UNC13D: variants seen among roughly 807,000 people sequenced by gnomAD.
UNC13D encodes the protein unc-13 homolog D.
In UNC13D, 115 loss-of-function variants were observed where a neutral mutation model predicts 151.7. The ratio of observed to expected loss-of-function variants is 0.76; its 90% CI spans 0.65 to 0.88. The LOEUF is 0.88. UNC13D is among the 40% of genes least tolerant of loss of function. The probability of loss-of-function intolerance (pLI) is 0.00; values close to 1 mark genes in which losing one functional copy is unlikely to be tolerated. For missense variants in UNC13D, 1,369 were observed against 1,438.7 expected (o/e 0.95, Z 0.78); for synonymous variants, 588 against 612.2 (o/e 0.96, Z 0.58).
In UNC13D at chr17:75,835,438, G is replaced by A. The variant is rs374106771; in HGVS notation, c.1819C>T (p.Arg607Trp). ...TCCATCTGCACAGCGCGCTGCACCC[G>A]CGCCAGGGCCTCGTTGTACGTCTTC... ...LQKTYNEALA[R>W]VQRAVQMDEL... The change falls in exon 20 of 32, where the codon CGG (arginine) becomes TGG (tryptophan). Residue 607 changes from arginine (R) to tryptophan (W), a missense_variant. By Grantham distance (101) the Arg-to-Trp change is moderately radical. Transcript: ENST00000207549. 6 of 1,612,792 alleles carry A rather than the reference G, an allele frequency of 3.7e-6. No individual in the cohort carries two copies. Among genetic ancestry groups the A allele is most frequent in the East Asian group, 2.2e-5 (1 of 44,854 alleles).
Position 75,831,300 on chromosome 17 carries a change from C to T in UNC13D, c.2496G>A (p.Ala832=), listed in dbSNP as rs763343306. 5.9e-5 allele frequency: 96 copies of T among 1,613,578 alleles called. No homozygotes were observed. Among genetic ancestry groups the T allele is most frequent in the Non-Finnish European group, 6.4e-5 (75 of 1,180,028 alleles). Residue 832 remains alanine (A), a synonymous_variant, in exon 26 of 32, where the codon GCG becomes GCA. Transcript: ENST00000207549. ...WTHTLTVLVE[A]AASQRSSSLA... ...GGGATGAGCTGCGCTGGGAGGCGGC[C>T]GCCTCCACCAGCACTGTGAGTGTGT...
chr17:75,829,023 A>T, intron 30 of UNC13D, 40 bp from the exon 31 acceptor site: 2 of 1,589,818 alleles, frequency 1.3e-6, no homozygotes, highest in Non-Finnish European at 1.7e-6. Flanking sequence ...GCCCCAGCAC[A>T]GCCACCCCAG....
chr17:75,840,173 A>G lies in UNC13D; in HGVS notation c.858+52T>C. ...CTGGGTGCAGCCAGCCCCGCAACCC[A>G]GCAGACCGCCGCAAGAGCTGGGCAT... On this transcript the variant is annotated intron_variant, in intron 10 of 31. Coordinates refer to ENST00000207549, the MANE Select transcript of UNC13D (RefSeq NM_199242.3). This position sits in a 1 kb window ranked among gnomAD's most constrained non-coding sequence, Gnocchi z 4.6. The G allele has an allele frequency of 6.2e-7, 1 of 1,612,458 alleles. No homozygotes were observed. Among genetic ancestry groups the G allele is most frequent in the African/African-American group, 1.3e-5 (1 of 75,038 alleles).
At chr17:75,843,394 G>C in intron 2 of UNC13D, 90 bp downstream of exon 2, 2 of 1,566,834 alleles carry the variant, frequency 1.3e-6, no homozygotes, top group South Asian at 1.2e-5. Context: ...CCTCCCCACC[G>C]CAAGTTGCTT....
rs8069459 is a variant in UNC13D, at chr17:75,841,287, G to C, written c.570-286C>G. The C allele has an allele frequency of 0.15, 60,129 of 408,798 alleles. 8,335 individuals carry two copies. Among genetic ancestry groups the C allele is most frequent in the African/African-American group, 0.47 (22,928 of 48,678 alleles). The allele number at this position is 408,798 out of a possible 1,614,324, so 25.3% of individuals were successfully genotyped here. On this transcript the variant is annotated intron_variant, in intron 6 of 31. Transcript: ENST00000207549. ...AGCCTTCCAAGTAGCTGGGATTACA[G>C]GTGCCCGCCACCACACCTGGCTAAT...
At chr17:75,844,054 C>T (rs978508065) in intron 1 of UNC13D, 167 bp downstream of exon 1, 68 of 1,453,462 alleles carry the variant, frequency 4.7e-5, no homozygotes, top group Non-Finnish European at 5.3e-5. Flanking sequence ...ATCTGGCAGC[C>T]CCTGCTCTGC....
At position 75,832,990 on chromosome 17, in the gene UNC13D, T is replaced by C. The variant is rs1392480802; in HGVS notation, c.2423A>G (p.Asn808Ser). 1.9e-6 allele frequency: 3 copies of C among 1,597,188 alleles called. No individual in the cohort carries two copies. Among genetic ancestry groups the C allele is most frequent in the Non-Finnish European group, 1.7e-6 (2 of 1,172,996 alleles). ...CCTGCTGAAGTTCTCCTGCACCAAG[T>C]TGGTGTTCATGTAGCAAAGCTCCAC... The part of the protein sequence containing the change: ...LEVELCYMNT[N>S]LVQENFSSLL... The change falls in exon 25 of 32, where the codon AAC (asparagine) becomes AGC (serine). Residue 808 changes from asparagine (N) to serine (S), a missense_variant. Physicochemically the swap from Asn to Ser is conservative, Grantham distance 46 (BLOSUM62 1). Coordinates refer to ENST00000207549, the MANE Select transcript of UNC13D (RefSeq NM_199242.3). The surrounding 1 kb of genome is among the most constrained non-coding windows in gnomAD (Gnocchi z 4.3).
chr17:75,831,403 G>A (rs1409859182), intron 25 of UNC13D, 55 bp from the exon 26 acceptor site: 1 of 1,529,292 alleles, frequency 6.5e-7, no homozygotes, highest in Non-Finnish European at 8.9e-7. Context: ...TGGCGGAGGA[G>A]GAAGCAAAGA....
At position 75,831,291 on chromosome 17, in the gene UNC13D, G is replaced by T. The variant is rs776621780; in HGVS notation, c.2505C>A (p.Ser835=). The T allele has an allele frequency of 1.9e-6, 3 of 1,613,754 alleles. No individual in the cohort carries two copies. Among genetic ancestry groups the T allele is most frequent in the Non-Finnish European group, 2.5e-6 (3 of 1,180,030 alleles). The change falls in exon 26 of 32, where the codon TCC becomes TCA. Residue 835 remains serine (S), a synonymous_variant. Transcript: ENST00000207549. ...TGGAAGCCAGGGATGAGCTGCGCTG[G>T]GAGGCGGCCGCCTCCACCAGCACTG... ...TLTVLVEAAA[S]QRSSSLASNR... is the part of the protein sequence containing the mutation.
rs1298868211 is a variant in UNC13D, at chr17:75,836,922, C to A, written c.1056-4G>T. 1 of 1,612,302 alleles carries A rather than the reference C, an allele frequency of 6.2e-7. No homozygotes were observed. The highest frequency in any genetic ancestry group is 8.5e-7 in the Non-Finnish European group (1 of 1,180,006). The stretch of plus-strand genomic sequence containing the variant: ...GCGGCTGTAGGCCAGCCACTGCCTG[C>A]AGGGGACAGGAAGCCCTCAGCTGGA... On this transcript the variant is annotated splice_polypyrimidine_tract_variant and splice_region_variant and intron_variant, in intron 12 of 31. Coordinates refer to ENST00000207549, the MANE Select transcript of UNC13D (RefSeq NM_199242.3).
chr17:75,842,734 T>C, intron 5 of UNC13D, 121 bp from the exon 6 acceptor site: 1 of 1,591,524 alleles, frequency 6.3e-7, no homozygotes, highest in Non-Finnish European at 8.6e-7. Flanking sequence ...ACCAGCAGCA[T>C]GGGGGGCCAG....
chr17:75,830,225 C>T (rs2064861160), intron 29 of UNC13D, 74 bp from the exon 30 acceptor site: 1 of 1,558,966 alleles, frequency 6.4e-7, no homozygotes, highest in Non-Finnish European at 8.7e-7. Context: ...ATGCTCTGCT[C>T]AGCGGCACTG....
At chr17:75,836,288 A>G (rs1209620820) in intron 15 of UNC13D, 32 bp from the exon 16 acceptor site, 1 of 1,612,986 alleles carries the variant, frequency 6.2e-7, no homozygotes, top group Non-Finnish European at 8.5e-7. Context: ...GCAGGGAGGG[A>G]CTGCCAGGCC....
Position 75,836,082 on chromosome 17 carries a change from G to A in UNC13D, c.1474C>T (p.Leu492=), listed in dbSNP as rs1459099488. The A allele has an allele frequency of 2.5e-6, 4 of 1,613,654 alleles. No homozygotes were observed. The highest frequency in any genetic ancestry group is 2.2e-5 in the East Asian group (1 of 44,894). The stretch of plus-strand genomic sequence containing the variant: ...CCAATGACATCCTGTACCAGGCCCA[G>A]CAAGGCCTTGCCTGCCTCCGGGATG... ...QGIPEAGKAL[L]GLVQDVIGDL... is the part of the protein sequence containing the mutation. Residue 492 remains leucine, a synonymous_variant, in exon 17 of 32, where the codon CTG becomes TTG. Coordinates refer to ENST00000207549, the MANE Select transcript of UNC13D (RefSeq NM_199242.3).
At chr17:75,842,782 G>A in intron 5 of UNC13D, 75 bp downstream of exon 5, 1 of 1,603,388 alleles carries the variant, frequency 6.2e-7, no homozygotes. Context: ...CTCCCGCCAA[G>A]AGTCCTGGGC....
intron 6 of UNC13D, 134 bp from the exon 7 acceptor site, chr17:75,841,135 CTTTTTTTTTT>C (rs34691954): frequency 1.2e-4 from 37 of 307,438 alleles, no homozygotes; most frequent in South Asian, 7.2e-4. Flanking sequence ...AGCCGCATCC[CTTTTTTTTTT>C]TTTTTTTTTT....
Position 75,833,500 on chromosome 17 carries a change from C to G in UNC13D, c.2368-455G>C, listed in dbSNP as rs76956408. On this transcript the variant is annotated intron_variant, in intron 24 of 31. Transcript: ENST00000207549. The surrounding 1 kb of genome is among the most constrained non-coding windows in gnomAD (Gnocchi z 4.0). The stretch of plus-strand genomic sequence containing the variant: ...ATCTAGCACACTGCATGTGTGTGCA[C>G]GCGCATACACGCCTGTGCATAGAGT... Among the ~76,000 whole-genome samples, 1 of 152,152 alleles carries G rather than the reference C, an allele frequency of 6.6e-6. No individual in the cohort carries two copies. Among genetic ancestry groups the G allele is most frequent in the African/African-American group, 2.4e-5 (1 of 41,404 alleles).
In UNC13D at chr17:75,843,321, C is replaced by G. The variant is rs1342995257; in HGVS notation, c.154-55G>C. ...CCACCAGCCACCCCTGGCACCAACA[C>G]CTCTCGCCATGGGCAGGACAAGGGC... On this transcript the variant is annotated intron_variant, in intron 2 of 31. Transcript: ENST00000207549. 3 of 1,596,582 alleles carry G rather than the reference C, an allele frequency of 1.9e-6. No individual in the cohort carries two copies. The African/African-American group carries it at 4.0e-5, about 21-fold the overall frequency.
intron 25 of UNC13D, 79 bp from the exon 26 acceptor site, chr17:75,831,427 G>C: frequency 7.3e-7 from 1 of 1,369,638 alleles, no homozygotes; most frequent in South Asian, 1.3e-5. Context: ...TCTTGAGAAA[G>C]GGGCGGCCTC....
Sources: allele counts gnomAD v4.1 joint callset (sites outside exome capture counted in the v4.1 genomes callset), GRCh38; gene constraint gnomAD v4.1.1; non-coding constraint Gnocchi (gnomAD v3.1); transcripts MANE v1.5; gene names NCBI Gene and HGNC (gene_info 2026-07-23, HGNC 2026-07-21).